Variants in ZNF596 observed in about 807,000 individuals in gnomAD.
ZNF596 encodes the protein zinc finger protein 596.
ZNF596 carries 45 observed loss-of-function variants against 48.3 expected under a neutral mutation model. The ratio of observed to expected loss-of-function variants is 0.93; its 90% CI spans 0.73 to 1.19. The LOEUF is 1.19. ZNF596 is among the 50% of genes most tolerant of loss of function. ZNF596 has a pLI of 0.00. For synonymous variants in ZNF596, 270 were observed against 202.0 expected, an observed-to-expected ratio of 1.34 and a Z score of -2.85; for missense variants, 848 against 599.7, an observed-to-expected ratio of 1.41 and a Z score of -4.32.
chr8:241,006 G>C, intron 2 of ZNF596, 99 bp downstream of exon 2: 4 of 1,423,286 alleles, frequency 2.8e-6, no homozygotes, highest in South Asian at 2.3e-5. Flanking sequence ...GTGCACTCAA[G>C]GATCCAAGCT....
rs113642690 is a variant in ZNF596 at position 239,169 on chromosome 8, T to A, written c.-72-1655T>A. ...AGAAACTGTCTGTCTTTGCTAAAAA[T>A]TGGAGGGTCCTAAGAACTCCTCCCC... On this transcript the variant is annotated intron_variant, in intron 1 of 5. Coordinates refer to ENST00000398612, the MANE Select transcript of ZNF596 (RefSeq NM_001042416.3). Among the ~76,000 whole-genome samples, 892 of 152,256 alleles carry A rather than the reference T, an allele frequency of 5.9e-3. 14 individuals are homozygous for A. The highest frequency in any genetic ancestry group is 0.021 in the African/African-American group (857 of 41,556).
chr8:239,427 C>G (rs1796757610), intron 1 of ZNF596, among the ~76,000 whole-genome samples: 1 of 152,152 alleles, frequency 6.6e-6, no homozygotes, highest in Non-Finnish European at 1.5e-5. Context: ...GAACTTCTGA[C>G]CTCAGGTGAT....
At chr8:237,278 C>T (rs1796655681) in intron 1 of ZNF596, 1 of 151,964 alleles carries the variant, frequency 6.6e-6, no homozygotes, top group African/African-American at 2.4e-5. Flanking sequence ...TGATTTCTGT[C>T]AAATCTGTTC....
chr8:244,429 T>C (rs1796977594), intron 4 of ZNF596, 190 bp from the exon 5 acceptor site: 1 of 574,386 alleles, frequency 1.7e-6, no homozygotes, highest in South Asian at 2.3e-5. Context: ...CGACTTGCCT[T>C]TATTTTTTTA....
rs1263039726 is a variant in ZNF596 at position 246,543 on chromosome 8, T to TAGG, written c.*182_*184dup. On this transcript the variant is annotated 3_prime_UTR_variant, in exon 6 of 6. Transcript: ENST00000398612. ...TGTTTATGGCACAAACTTCAGACTCTAGGCTGACCATATACAACGTGAGAG... is the reference window on the plus strand; with the variant it reads ...TGTTTATGGCACAAACTTCAGACTCTAGGAGGCTGACCATATACAACGTGAGAG... The TAGG allele has an allele frequency of 1.2e-5, 8 of 677,716 alleles. No homozygotes were observed. Among genetic ancestry groups the TAGG allele is most frequent in the African/African-American group, 1.8e-5 (1 of 54,972 alleles). The allele number at this position is 677,716 out of a possible 1,614,324, so 42.0% of individuals were successfully genotyped here. A position where few individuals can be genotyped will look rare whatever the true frequency, so the allele number is the denominator to read the frequency against.
chr8:232,359 C>T (rs1361653010), upstream of ZNF596: 3 of 181,488 alleles, frequency 1.7e-5, no homozygotes, highest in Non-Finnish European at 3.9e-5. Flanking sequence ...CCCCGCCCCT[C>T]GCGCGACGTT....
intron 5 of ZNF596, 73 bp downstream of exon 5, chr8:244,774 C>T: frequency 7.9e-7 from 1 of 1,268,380 alleles, no homozygotes; most frequent in Non-Finnish European, 1.1e-6. Flanking sequence ...GAATTTGGTA[C>T]AGGTACCTGA....
intron 1 of ZNF596, 105 bp from the exon 2 acceptor site, chr8:240,719 T>A (rs2117090082): frequency 2.7e-5 from 19 of 691,558 alleles, no homozygotes; most frequent in Non-Finnish European, 4.4e-5. Context: ...CCCTACCCAC[T>A]GCATGTCCTT....
At chr8:240,547 A>G (rs1380715124) in intron 1 of ZNF596, 3 of 240,262 alleles carry the variant, frequency 1.2e-5, no homozygotes. Context: ...ATTTGGAATC[A>G]TAGAAGGAAT....
chr8:243,867 G>A (rs1251115689), intron 4 of ZNF596, 62 bp downstream of exon 4: 1 of 1,384,928 alleles, frequency 7.2e-7, no homozygotes, highest in Non-Finnish European at 1.0e-6. Flanking sequence ...GAGTGAGTAG[G>A]ACCCAACAGT....
At chr8:240,159 C>A (rs532688980) in intron 1 of ZNF596, 2 of 152,300 alleles carry the variant, frequency 1.3e-5, no homozygotes, top group East Asian at 3.9e-4. Flanking sequence ...TTCTTAGTGT[C>A]CTTTCATTTC....
At chr8:235,087 G>C (rs527339160) in intron 1 of ZNF596, among the ~76,000 whole-genome samples, 5 of 152,298 alleles carry the variant, frequency 3.3e-5, no homozygotes, top group African/African-American at 1.2e-4. Flanking sequence ...AAAAAGAAAA[G>C]TTTAGAAAAT....
At chr8:234,779 C>T (rs567554667) in intron 1 of ZNF596, 15 of 152,226 alleles carry the variant, frequency 9.9e-5, no homozygotes, top group South Asian at 8.3e-4. Context: ...AAGTTCCATT[C>T]GGGGGATCAT....
intron 2 of ZNF596, among the ~76,000 whole-genome samples, chr8:241,563 GTTGT>G (rs1209867012): frequency 6.6e-6 from 1 of 152,166 alleles, no homozygotes; most frequent in African/African-American, 2.4e-5. Context: ...CAACTGGAGT[GTTGT>G]TTCTTTAATT....
In ZNF596 at chr8:242,181, G is replaced by C. The variant is rs73668548; in HGVS notation, c.13-706G>C. On this transcript the variant is annotated intron_variant, in intron 2 of 5. Coordinates refer to ENST00000398612, the MANE Select transcript of ZNF596 (RefSeq NM_001042416.3). ...AGTGGCAGGATGAGACCATCTTTCAGTACTGAAGTCTTAGAGTCCCTGGCT... is the reference window on the plus strand; with the variant it reads ...AGTGGCAGGATGAGACCATCTTTCACTACTGAAGTCTTAGAGTCCCTGGCT... 2.4e-3 allele frequency among the ~76,000 whole-genome samples: 368 copies of C among 152,296 alleles called. 1 individual carries two copies. Among genetic ancestry groups the C allele is most frequent in the African/African-American group, 8.6e-3 (357 of 41,564 alleles).
Position 232,781 on chromosome 8 carries a change from G to T in ZNF596, c.-73+87G>T, listed in dbSNP as rs575491779. Reference sequence around the variant, plus strand: ...AGGGCAGCCCTGGGATTCGGCAGACGCCAGTCCTCCCTGAGATGCTTCCCC... The same window carrying T: ...AGGGCAGCCCTGGGATTCGGCAGACTCCAGTCCTCCCTGAGATGCTTCCCC... On this transcript the variant is annotated intron_variant, in intron 1 of 5. Coordinates refer to ENST00000398612, the MANE Select transcript of ZNF596 (RefSeq NM_001042416.3). 2.1e-3 allele frequency: 888 copies of T among 430,776 alleles called. 14 individuals carry two copies. The highest frequency in any genetic ancestry group is 0.015 in the South Asian group (865 of 57,466). The allele number at this position is 430,776 out of a possible 1,614,324, so 26.7% of individuals were successfully genotyped here.
intron 1 of ZNF596, among the ~76,000 whole-genome samples, chr8:235,655 A>T (rs1202727598): frequency 6.6e-6 from 1 of 152,176 alleles, no homozygotes; most frequent in Non-Finnish European, 1.5e-5. Flanking sequence ...GTTTAATTAT[A>T]TGTACGCACA....
At position 247,096 on chromosome 8, in the gene ZNF596, G is replaced by A. The variant is rs1022815501; in HGVS notation, c.*734G>A. 1 of 152,066 alleles carries A rather than the reference G, an allele frequency of 6.6e-6. No homozygotes were observed. Among genetic ancestry groups the A allele is most frequent in the Non-Finnish European group, 1.5e-5 (1 of 68,026 alleles). 9.4% of individuals were successfully genotyped at this position (152,066 alleles called of 1,614,324 possible). A position where few individuals can be genotyped will look rare whatever the true frequency, so the allele number is the denominator to read the frequency against. On this transcript the variant is annotated 3_prime_UTR_variant, in exon 6 of 6. Transcript: ENST00000398612. ...GACAGGATAGTGGAAAAACCTTCAG[G>A]CAGCTTTTATGTCAAAAAAGTGAGA...
chr8:245,704 A>C lies in ZNF596; in HGVS notation c.857A>C (p.Lys286Thr). Residue 286 changes from lysine to threonine, a missense_variant, in exon 6 of 6, where the codon AAA becomes ACA. Lys to Thr is a moderately conservative substitution (Grantham distance 78). Coordinates refer to ENST00000398612, the MANE Select transcript of ZNF596 (RefSeq NM_001042416.3). ...EKAQICHLCGKAFTHCSDLRK... is the reference protein window; with the variant it reads ...EKAQICHLCGTAFTHCSDLRK... Reference sequence around the variant, plus strand: ...GCACAGATATGCCATCTATGTGGGAAAGCCTTCACTCATTGCTCTGACCTT... The same window carrying C: ...GCACAGATATGCCATCTATGTGGGACAGCCTTCACTCATTGCTCTGACCTT... The C allele has an allele frequency of 1.2e-6, 2 of 1,614,176 alleles. No homozygotes were observed. The highest frequency in any genetic ancestry group is 1.7e-6 in the Non-Finnish European group (2 of 1,180,022).
Sources: allele counts gnomAD v4.1 joint callset (sites outside exome capture counted in the v4.1 genomes callset), GRCh38; gene constraint gnomAD v4.1.1; transcripts MANE v1.5; gene names NCBI Gene and HGNC (gene_info 2026-07-23, HGNC 2026-07-21).